Variants in SNTG1 observed in about 807,000 individuals in gnomAD.
SNTG1 encodes the protein gamma-1-syntrophin.
Under a neutral mutation model 74.7 loss-of-function variants are expected in SNTG1, and 39 were observed. The observed-to-expected ratio is 0.52, with a 90% CI of 0.40 to 0.68. The LOEUF (loss-of-function observed/expected upper bound fraction) is 0.68, where lower values mean the gene tolerates loss of function less well. Ranked by LOEUF, SNTG1 falls within the 30% of genes least tolerant of loss-of-function variation. The pLI is 0.00. For missense variants in SNTG1, 685 were observed against 609.5 expected, an observed-to-expected ratio of 1.12 and a Z score of -1.30; for synonymous variants, 254 against 217.1, an observed-to-expected ratio of 1.17 and a Z score of -1.49.
chr8:50,318,058 G>A (rs1007907995), intron 2 of SNTG1, among the ~76,000 whole-genome samples: 1 of 151,906 alleles, frequency 6.6e-6, no homozygotes, highest in Non-Finnish European at 1.5e-5. Flanking sequence ...GGAAGGTCTC[G>A]ATCTCCTGAC....
At chr8:50,134,444 C>T (rs2081407567) in intron 1 of SNTG1, among the ~76,000 whole-genome samples, 1 of 152,118 alleles carries the variant, frequency 6.6e-6, no homozygotes, top group South Asian at 2.1e-4. Context: ...CAAGTTGTCA[C>T]AGAGCTGTTA....
chr8:50,510,059 G>A (rs2129906918), intron 9 of SNTG1, among the ~76,000 whole-genome samples: 1 of 152,244 alleles, frequency 6.6e-6, no homozygotes, highest in South Asian at 2.1e-4. Context: ...GTTTGTCATA[G>A]ATAGCTCTTA....
chr8:50,751,971 G>A (rs369680717), intron 17 of SNTG1, 30 bp from the exon 18 acceptor site: 30 of 1,327,646 alleles, frequency 2.3e-5, no homozygotes, highest in Admixed American at 1.4e-4. Context: ...TAATTCCACC[G>A]ACTTACATTG....
At chr8:50,074,926 G>A (rs891006158) in intron 1 of SNTG1, among the ~76,000 whole-genome samples, 1 of 152,180 alleles carries the variant, frequency 6.6e-6, no homozygotes, top group Admixed American at 6.5e-5. Flanking sequence ...GTTCGGGGTG[G>A]GCATCCTCTC....
chr8:49,968,886 T>C (rs1220976719), intron 1 of SNTG1, among the ~76,000 whole-genome samples: 5 of 152,144 alleles, frequency 3.3e-5, no homozygotes, highest in African/African-American at 1.2e-4. Context: ...CTTGGACTGA[T>C]GAGCACTACA....
chr8:50,219,525 A>G (rs2084956049), intron 2 of SNTG1, among the ~76,000 whole-genome samples: 1 of 152,194 alleles, frequency 6.6e-6, no homozygotes. Flanking sequence ...CAGGTTGTAC[A>G]GGAAGCATGG....
intron 8 of SNTG1, among the ~76,000 whole-genome samples, chr8:50,487,118 C>A (rs954010101): frequency 3.3e-5 from 5 of 152,046 alleles, no homozygotes; most frequent in African/African-American, 1.2e-4. Context: ...CAGAGAAATG[C>A]AAATCAAAAC....
At chr8:50,787,665 T>G (rs1429168270) in intron 18 of SNTG1, among the ~76,000 whole-genome samples, 1 of 151,928 alleles carries the variant, frequency 6.6e-6, no homozygotes, top group African/African-American at 2.4e-5. Context: ...TATTCATCAA[T>G]AAAGAGAAAA....
At chr8:50,769,368 G>A (rs2095621675) in intron 18 of SNTG1, among the ~76,000 whole-genome samples, 1 of 151,912 alleles carries the variant, frequency 6.6e-6, no homozygotes. Flanking sequence ...AGTGACCCAA[G>A]TAAGAACATT....
At position 50,708,988 on chromosome 8, in the gene SNTG1, T is replaced by G. The variant is rs763796554; in HGVS notation, c.1284+10T>G. 1.0e-5 allele frequency: 16 copies of G among 1,595,454 alleles called. No individual in the cohort carries two copies. In the East Asian group the frequency reaches 3.3e-4, roughly 33 times the overall value. On this transcript the variant is annotated intron_variant, in intron 17 of 18. Coordinates refer to ENST00000642720, the MANE Select transcript of SNTG1 (RefSeq NM_018967.5). The stretch of plus-strand genomic sequence containing the variant: ...TGATGCTGCAACAAAGGTAATGTGT[T>G]CAGGTCAGCTCTGAGAAATATGCTG...
At chr8:50,178,693 A>G (rs2083091324) in intron 2 of SNTG1, among the ~76,000 whole-genome samples, 1 of 151,986 alleles carries the variant, frequency 6.6e-6, no homozygotes, top group Non-Finnish European at 1.5e-5. Context: ...CAGCCTTCTT[A>G]TGCATGTTCT....
Position 50,128,009 on chromosome 8 carries a change from T to TA in SNTG1, c.-102-44546dup, listed in dbSNP as rs535237238. Among the ~76,000 whole-genome samples, 263 of 152,200 alleles carry TA rather than the reference T, an allele frequency of 1.7e-3. 2 individuals carry two copies. The highest frequency in any genetic ancestry group is 5.9e-3 in the African/African-American group (247 of 41,554). Reference sequence around the variant, plus strand: ...TGGTTATTAGATTGGGGAGAGAGTCTAAAAAATGTCTTTTACTGCAAACAA... The same window carrying TA: ...TGGTTATTAGATTGGGGAGAGAGTCTAAAAAAATGTCTTTTACTGCAAACAA... On this transcript the variant is annotated intron_variant, in intron 1 of 18. Transcript: ENST00000642720.
chr8:50,551,229 T>A (rs1409444200), intron 11 of SNTG1, among the ~76,000 whole-genome samples: 2 of 152,108 alleles, frequency 1.3e-5, no homozygotes, highest in Non-Finnish European at 2.9e-5. Flanking sequence ...AAAAAAACTG[T>A]TCAAGTATTT....
At chr8:50,536,123 G>A (rs6473208) in intron 10 of SNTG1, among the ~76,000 whole-genome samples, 168 of 152,202 alleles carry the variant, frequency 1.1e-3, no homozygotes, top group African/African-American at 3.5e-3. Flanking sequence ...ACATAAGAAA[G>A]TATAAACTTT....
At chr8:50,238,989 A>T (rs1398304091) in intron 2 of SNTG1, among the ~76,000 whole-genome samples, 1 of 152,194 alleles carries the variant, frequency 6.6e-6, no homozygotes, top group Admixed American at 6.5e-5. Context: ...AAGTCAAAAA[A>T]TAACAGATGC....
chr8:50,156,609 G>T (rs2131573616), intron 1 of SNTG1, among the ~76,000 whole-genome samples: 1 of 151,998 alleles, frequency 6.6e-6, no homozygotes, highest in South Asian at 2.1e-4. Flanking sequence ...TGGGATATGT[G>T]CATGTATTTC....
intron 18 of SNTG1, among the ~76,000 whole-genome samples, chr8:50,753,276 C>T (rs1415946533): frequency 6.6e-6 from 1 of 151,950 alleles, no homozygotes; most frequent in East Asian, 1.9e-4. Context: ...TTACTTTGTG[C>T]CAACCACTTA....
At chr8:50,125,935 A>G (rs1040102473) in intron 1 of SNTG1, among the ~76,000 whole-genome samples, 4 of 152,160 alleles carry the variant, frequency 2.6e-5, no homozygotes, top group African/African-American at 9.6e-5. Flanking sequence ...TCAGAGGCAT[A>G]TTACTGTTGG....
At chr8:49,994,830 G>T (rs762120939) in intron 1 of SNTG1, among the ~76,000 whole-genome samples, 5 of 151,998 alleles carry the variant, frequency 3.3e-5, no homozygotes, top group Admixed American at 3.3e-4. Flanking sequence ...CAAAGGTAGA[G>T]AATTAAAGAT....
Sources: allele counts gnomAD v4.1 joint callset (sites outside exome capture counted in the v4.1 genomes callset), GRCh38; gene constraint gnomAD v4.1.1; transcripts MANE v1.5; gene names NCBI Gene and HGNC (gene_info 2026-07-23, HGNC 2026-07-21).